MALRD1: variants seen among roughly 807,000 people sequenced by gnomAD.
The protein encoded by MALRD1 is MAM and LDL-receptor class A domain-containing protein 1.
Under a neutral mutation model 242.1 loss-of-function variants are expected in MALRD1, and 247 were observed. The observed-to-expected ratio is 1.02, with a 90% CI of 0.92 to 1.13. MALRD1 has a LOEUF of 1.13. Among genes scored for constraint, MALRD1 ranks in the 50% most tolerant of loss-of-function variants. MALRD1 has a pLI of 0.00. For synonymous variants in MALRD1, 995 were observed against 866.6 expected (o/e 1.15, Z -2.60); for missense variants, 2,989 against 2,533.1 (o/e 1.18, Z -3.86).
chr10:19,393,160 GC>G (rs1846409128), intron 28 of MALRD1, among the ~76,000 whole-genome samples: 2 of 152,132 alleles, frequency 1.3e-5, no homozygotes, highest in South Asian at 4.1e-4. Flanking sequence ...AAATAACTGG[GC>G]CCTATCTTTT....
intron 29 of MALRD1, among the ~76,000 whole-genome samples, chr10:19,484,623 G>A (rs115998133): frequency 0.018 from 2,666 of 152,196 alleles, 71 homozygotes; most frequent in African/African-American, 0.061. Context: ...CATATAATAT[G>A]CTTCCCACTC....
At chr10:19,506,747 A>G (rs938581261) in intron 31 of MALRD1, among the ~76,000 whole-genome samples, 6 of 152,204 alleles carry the variant, frequency 3.9e-5, no homozygotes, top group African/African-American at 1.4e-4. Context: ...TGATAAAAAT[A>G]TATACTGAAG....
intron 17 of MALRD1, among the ~76,000 whole-genome samples, chr10:19,206,265 T>A (rs1836779279): frequency 6.6e-6 from 1 of 152,096 alleles, no homozygotes; most frequent in African/African-American, 2.4e-5. Flanking sequence ...CTATGTGTAA[T>A]CTTTGGTACA....
In MALRD1 at chr10:19,335,443, C is replaced by T. The variant is rs149285342; in HGVS notation, c.3901+3861C>T. ...TCCAGTCTACTGGTCTTAAATGTTA[C>T]GTTTTAGTTATAAAGTGGCTGGAAT... On this transcript the variant is annotated intron_variant, in intron 24 of 39. Transcript: ENST00000454679. 3.4e-3 allele frequency among the ~76,000 whole-genome samples: 517 copies of T among 151,886 alleles called. 4 individuals carry two copies. The highest frequency in any genetic ancestry group is 0.012 in the African/African-American group (497 of 41,438).
chr10:19,348,237 T>C (rs115976706), intron 25 of MALRD1, among the ~76,000 whole-genome samples: 2,640 of 152,210 alleles, frequency 0.017, 76 homozygotes, highest in African/African-American at 0.06. Context: ...ATAAATTCCA[T>C]AGATACTGAA....
At chr10:19,533,030 A>G (rs1276932350) in intron 32 of MALRD1, among the ~76,000 whole-genome samples, 1 of 152,160 alleles carries the variant, frequency 6.6e-6, no homozygotes, top group East Asian at 1.9e-4. Flanking sequence ...ACTAGTCTAC[A>G]GTTCCTCATC....
intron 38 of MALRD1, among the ~76,000 whole-genome samples, chr10:19,726,951 G>T (rs1301276872): frequency 6.6e-6 from 1 of 152,172 alleles, no homozygotes; most frequent in Non-Finnish European, 1.5e-5. Context: ...GGGGAATGGG[G>T]TGTTAATGCT....
At chr10:19,662,299 G>T (rs1013140292) in intron 36 of MALRD1, among the ~76,000 whole-genome samples, 1 of 152,048 alleles carries the variant, frequency 6.6e-6, no homozygotes, top group African/African-American at 2.4e-5. Context: ...GAAGTTAAAG[G>T]ACCTTTAAGA....
chr10:19,352,436 CA>C, intron 26 of MALRD1, 139 bp downstream of exon 26: 9 of 877,260 alleles, frequency 1.0e-5, no homozygotes, highest in South Asian at 5.8e-5. Flanking sequence ...TTTTTAAACT[CA>C]AAAAAATATT....
intron 28 of MALRD1, among the ~76,000 whole-genome samples, chr10:19,443,145 C>T (rs1834765761): frequency 1.3e-5 from 2 of 152,144 alleles, no homozygotes; most frequent in African/African-American, 2.4e-5. Context: ...GTTTGTATTT[C>T]TGTGGGATCG....
At chr10:19,538,202 A>G (rs1181022680) in intron 32 of MALRD1, among the ~76,000 whole-genome samples, 1 of 152,186 alleles carries the variant, frequency 6.6e-6, no homozygotes, top group Non-Finnish European at 1.5e-5. Context: ...TCAGCCTTCA[A>G]AGTAGAGGGC....
chr10:19,678,212 A>C (rs781592232), intron 36 of MALRD1, among the ~76,000 whole-genome samples: 2 of 152,094 alleles, frequency 1.3e-5, no homozygotes, highest in African/African-American at 4.8e-5. Flanking sequence ...GAAGAATGTC[A>C]GTAGTCATTT....
At chr10:19,498,192 T>C (rs34678835) in intron 30 of MALRD1, among the ~76,000 whole-genome samples, 1,756 of 152,340 alleles carry the variant, frequency 0.012, 25 homozygotes, top group Middle Eastern at 0.014. Flanking sequence ...AATAATCTTG[T>C]ATTAGCATAA....
At chr10:19,098,265 T>A (rs1836117024) in intron 4 of MALRD1, among the ~76,000 whole-genome samples, 1 of 152,210 alleles carries the variant, frequency 6.6e-6, no homozygotes, top group Non-Finnish European at 1.5e-5. Context: ...TTAAACTAAA[T>A]GAACAATCAG....
intron 9 of MALRD1, among the ~76,000 whole-genome samples, chr10:19,134,539 AAG>A (rs781744018): frequency 4.0e-4 from 59 of 147,962 alleles, no homozygotes; most frequent in Non-Finnish European, 7.3e-4. Context: ...TGGAATGTGT[AAG>A]TTTATTTATG....
intron 32 of MALRD1, among the ~76,000 whole-genome samples, chr10:19,559,251 T>C (rs575584069): frequency 2.3e-4 from 35 of 151,906 alleles, no homozygotes; most frequent in Non-Finnish European, 4.1e-4. Context: ...GGATCAGTAG[T>C]GATGGTTCTT....
intron 22 of MALRD1, among the ~76,000 whole-genome samples, chr10:19,325,240 A>T (rs1218603155): frequency 6.6e-6 from 1 of 151,918 alleles, no homozygotes; most frequent in Admixed American, 6.6e-5. Context: ...TTTGCTCCTC[A>T]AACTGTCTCA....
intron 38 of MALRD1, among the ~76,000 whole-genome samples, chr10:19,721,172 G>A (rs551408700): frequency 2.4e-4 from 37 of 152,196 alleles, no homozygotes; most frequent in African/African-American, 7.9e-4. Flanking sequence ...TTAAAAATTG[G>A]TATAATTAAA....
chr10:19,189,142 T>C (rs1835867387), intron 14 of MALRD1, among the ~76,000 whole-genome samples: 1 of 151,890 alleles, frequency 6.6e-6, no homozygotes, highest in East Asian at 1.9e-4. Flanking sequence ...CAATTCTACA[T>C]AAATAAAAAA....
Sources: gnomAD v4.1 joint callset for allele counts (sites outside exome capture counted in the v4.1 genomes callset) on GRCh38, gnomAD v4.1.1 for gene constraint, MANE v1.5 for transcripts, NCBI Gene and HGNC (gene_info 2026-07-23, HGNC 2026-07-21) for gene names.